The following GET4 variants were observed in gnomAD, a reference collection of about 807,000 sequenced individuals.
GET4 encodes guided entry of tail-anchored proteins factor 4, also known as Golgi to ER traffic protein 4 homolog.
GET4 carries 20 observed loss-of-function variants against 40.0 expected under a neutral mutation model. That is an observed-to-expected ratio of 0.50 (90% CI 0.35 to 0.73). The LOEUF is 0.73. GET4 is among the 30% of genes least tolerant of loss of function. The pLI is 0.01. For missense variants in GET4, 557 were observed against 454.0 expected (o/e 1.23, Z -2.06); for synonymous variants, 280 against 194.6 (o/e 1.44, Z -3.65).
chr7:889,658 G>A (rs1222892812), intron 4 of GET4, among the ~76,000 whole-genome samples: 37 of 148,668 alleles, frequency 2.5e-4, no homozygotes, highest in Non-Finnish European at 1.5e-5. Flanking sequence ...GGGAGTGTGA[G>A]CGGGTGTTAG....
At chr7:879,675 G>C (rs999912294) in intron 1 of GET4, 1 of 152,198 alleles carries the variant, frequency 6.6e-6, no homozygotes, top group African/African-American at 2.4e-5. Context: ...TGTTGTAGAT[G>C]CTTTTCTTCT....
chr7:896,057 G>T lies in GET4; in HGVS notation c.*635G>T, dbSNP rs1391313896. 1 of 152,258 alleles carries T rather than the reference G, an allele frequency of 6.6e-6. No individual in the cohort carries two copies. The highest frequency in any genetic ancestry group is 2.4e-5 in the African/African-American group (1 of 41,470). The allele number at this position is 152,258 out of a possible 1,614,324, so 9.4% of individuals were successfully genotyped here. ...ATGTGGCATCCCAGAGCTGCGCCCT[G>T]CTGGTCTCTGTGAGCGCCACGCTGC... On this transcript the variant is annotated 3_prime_UTR_variant, in exon 9 of 9. Transcript: ENST00000265857.
At chr7:892,490 C>T (rs930370828) in intron 6 of GET4, 72 bp downstream of exon 6, 7 of 1,497,284 alleles carry the variant, frequency 4.7e-6, no homozygotes, top group East Asian at 2.3e-5. Flanking sequence ...GTGTGGATAG[C>T]TGTGTGGGTG....
chr7:887,603 C>A, intron 4 of GET4, 84 bp downstream of exon 4: 1 of 1,080,556 alleles, frequency 9.3e-7, no homozygotes, highest in Non-Finnish European at 1.3e-6. Context: ...ATCAGGGTCA[C>A]CCACCAGGGC....
chr7:880,389 C>T (rs189474096), intron 1 of GET4: 1 of 152,250 alleles, frequency 6.6e-6, no homozygotes, highest in Non-Finnish European at 1.5e-5. Context: ...AAATGGATCT[C>T]CCCCGAAATA....
intron 1 of GET4, 163 bp from the exon 2 acceptor site, chr7:885,893 A>G: frequency 3.2e-6 from 2 of 618,494 alleles, no homozygotes; most frequent in Admixed American, 5.5e-5. Flanking sequence ...CAGGACACCC[A>G]GGATAGACCC....
At position 896,187 on chromosome 7, in the gene GET4, A is replaced by G. The variant is rs574455427; in HGVS notation, c.*765A>G. The stretch of plus-strand genomic sequence containing the variant: ...GGGTGATGATTGATTCTTTCGACCT[A>G]ACATTTTGGGTTTTAACCAAATAAC... On this transcript the variant is annotated 3_prime_UTR_variant, in exon 9 of 9. Coordinates refer to ENST00000265857, the MANE Select transcript of GET4 (RefSeq NM_015949.3). 6.6e-6 allele frequency: 1 copy of G among 152,214 alleles called. No homozygotes were observed. Among genetic ancestry groups the G allele is most frequent in the Non-Finnish European group, 1.5e-5 (1 of 68,036 alleles). 9.4% of individuals were successfully genotyped at this position (152,214 alleles called of 1,614,324 possible).
At chr7:879,576 C>T (rs1330252653) in intron 1 of GET4, among the ~76,000 whole-genome samples, 2 of 152,184 alleles carry the variant, frequency 1.3e-5, no homozygotes, top group Non-Finnish European at 2.9e-5. Context: ...CTTACATGAC[C>T]TGAAGGGCAG....
chr7:884,281 T>A, intron 1 of GET4: 1 of 1,304,154 alleles, frequency 7.7e-7, no homozygotes. Flanking sequence ...CAGAGTGCCC[T>A]GTGCCAGACG....
chr7:894,452 G>A (rs748482513), intron 8 of GET4, among the ~76,000 whole-genome samples: 1 of 152,186 alleles, frequency 6.6e-6, no homozygotes, highest in African/African-American at 2.4e-5. Context: ...TCACCTGTCT[G>A]GGTTTATTTT....
chr7:887,289 A>G (rs951992991), intron 3 of GET4, 81 bp from the exon 4 acceptor site: 18 of 1,407,234 alleles, frequency 1.3e-5, no homozygotes, highest in Non-Finnish European at 1.6e-5. Context: ...TTGCGAATGG[A>G]AATCCACTTC....
Position 884,162 on chromosome 7 carries a change from G to A in GET4, c.156-1894G>A, listed in dbSNP as rs73672450. On this transcript the variant is annotated intron_variant, in intron 1 of 8. Transcript: ENST00000265857. ...GAAGCATCCAGAACGCTGTAGTATC[G>A]GCAAAGCAGAAGCTGGTGTGGTGCT... 7,728 of 1,291,154 alleles carry A rather than the reference G, an allele frequency of 6.0e-3. 377 individuals are homozygous for A. The African/African-American group carries it at 0.11, about 18-fold the overall frequency. The allele number at this position is 1,291,154 out of a possible 1,614,324, so 80.0% of individuals were successfully genotyped here.
chr7:887,352 G>T lies in GET4; in HGVS notation c.317-18G>T, dbSNP rs767796022. 6.4e-7 allele frequency: 1 copy of T among 1,574,676 alleles called. No individual in the cohort carries two copies. The highest frequency in any genetic ancestry group is 1.3e-5 in the African/African-American group (1 of 74,270). On this transcript the variant is annotated intron_variant, in intron 3 of 8. Coordinates refer to ENST00000265857, the MANE Select transcript of GET4 (RefSeq NM_015949.3). ...AGTGGCCGTGCGTTCCTCTGATGAG[G>T]GTCTGTGCTGTTTGCAGAAAATCTG...
At chr7:889,243 A>G (rs567659541) in intron 4 of GET4, among the ~76,000 whole-genome samples, 80 of 152,340 alleles carry the variant, frequency 5.3e-4, no homozygotes, top group African/African-American at 1.9e-3. Flanking sequence ...CGACACCGTG[A>G]CGGTGCTGTG....
chr7:891,827 C>T (rs376343127), intron 5 of GET4, among the ~76,000 whole-genome samples: 20 of 152,246 alleles, frequency 1.3e-4, no homozygotes, highest in East Asian at 1.2e-3. Context: ...ACGCCGTGTA[C>T]ATGTTTTCTC....
chr7:888,113 C>T (rs1053722946), intron 4 of GET4, among the ~76,000 whole-genome samples: 1 of 152,220 alleles, frequency 6.6e-6, no homozygotes, highest in Non-Finnish European at 1.5e-5. Context: ...GGTTTCCTTC[C>T]TGCCGTCAGG....
chr7:878,978 C>T (rs1007656683), intron 1 of GET4, among the ~76,000 whole-genome samples: 1 of 45,048 alleles, frequency 2.2e-5, no homozygotes, highest in African/African-American at 8.3e-5. Context: ...CCACAGACAC[C>T]CCCCCCCGAG....
chr7:893,670 C>G, intron 6 of GET4, 70 bp from the exon 7 acceptor site: 1 of 1,000,414 alleles, frequency 1.0e-6, no homozygotes, highest in Non-Finnish European at 1.6e-6. Flanking sequence ...GGCGCAGGCG[C>G]GGTGGTTTGT....
chr7:878,735 CA>C (rs1237758023), intron 1 of GET4, among the ~76,000 whole-genome samples: 1 of 152,074 alleles, frequency 6.6e-6, no homozygotes, highest in Non-Finnish European at 1.5e-5. Flanking sequence ...CGCGCACCAC[CA>C]CCCCCGGCTA....
Sources: gnomAD v4.1 joint callset for allele counts (sites outside exome capture counted in the v4.1 genomes callset) on GRCh38, gnomAD v4.1.1 for gene constraint, MANE v1.5 for transcripts, NCBI Gene and HGNC (gene_info 2026-07-23, HGNC 2026-07-21) for gene names.